The following STARD9 variants were observed in gnomAD, a reference collection of about 807,000 sequenced individuals.
STARD9 encodes StAR related lipid transfer domain containing 9.
In STARD9, 346 loss-of-function variants were observed where a neutral mutation model predicts 399.8. The ratio of observed to expected loss-of-function variants is 0.87; its 90% CI spans 0.79 to 0.95. The LOEUF is 0.95. Among genes scored for constraint, STARD9 ranks in the 40% least tolerant of loss-of-function variants. The pLI is 0.00. For missense variants in STARD9, 5,832 were observed against 5,667.5 expected (o/e 1.03, Z -0.93); for synonymous variants, 2,203 against 2,143.5 (o/e 1.03, Z -0.77).
chr15:42,672,511 T>C (rs1040280985), intron 16 of STARD9: 1 of 152,278 alleles, frequency 6.6e-6, no homozygotes, highest in African/African-American at 2.4e-5. Context: ...TGAACGCACA[T>C]GAAAAGTTTC....
rs968708719 is a variant in STARD9, at chr15:42,691,832, C to A, written c.10254C>A (p.Thr3418=). 22 of 1,537,172 alleles carry A rather than the reference C, an allele frequency of 1.4e-5. No homozygotes were observed. Among genetic ancestry groups the A allele is most frequent in the Non-Finnish European group, 1.9e-5 (22 of 1,146,926 alleles). ...CTTCCACTCTCTCACACATGCCAAC[C>A]CCTGATTTCACGACCAGCTGGATGT... is the stretch of plus-strand genomic sequence containing the variant. ...PMPSTLSHMP[T]PDFTTSWMSG... is the part of the protein sequence containing the mutation. Residue 3418 remains threonine (T), a synonymous_variant, in exon 23 of 33, where the codon ACC becomes ACA. Transcript: ENST00000290607.
At chr15:42,583,038 T>C (rs2058205974) in intron 1 of STARD9, among the ~76,000 whole-genome samples, 1 of 152,194 alleles carries the variant, frequency 6.6e-6, no homozygotes, top group African/African-American at 2.4e-5. Flanking sequence ...TAGCAAGCTA[T>C]GTCAGGAGGA....
intron 26 of STARD9, among the ~76,000 whole-genome samples, chr15:42,712,090 T>TAAAATATAAA (rs1322176052): frequency 0.029 from 178 of 6,142 alleles, 23 homozygotes; most frequent in South Asian, 0.13. Context: ...ATTATATATA[T>TAAAATATAAA]ATATATAATA....
In STARD9 at chr15:42,669,313, A is replaced by G; in HGVS notation, c.1473A>G (p.Thr491=). 1 of 1,530,342 alleles carries G rather than the reference A, an allele frequency of 6.5e-7. No individual in the cohort carries two copies. Among genetic ancestry groups the G allele is most frequent in the South Asian group, 1.2e-5 (1 of 83,694 alleles). 94.8% of individuals were successfully genotyped at this position (1,530,342 alleles called of 1,614,324 possible). The change falls in exon 16 of 33, where the codon ACA becomes ACG. Residue 491 remains threonine (T), a synonymous_variant. Coordinates refer to ENST00000290607, the MANE Select transcript of STARD9 (RefSeq NM_020759.3). ...CCTTGGAGGATGATGTGCTCAGCAC[A>G]GGTGTTGTGCTCTATCATCTCAAGG... ...LMALEDDVLS[T]GVVLYHLKEG...
intron 7 of STARD9, among the ~76,000 whole-genome samples, chr15:42,644,036 G>C (rs2059597291): frequency 6.6e-6 from 1 of 152,128 alleles, no homozygotes; most frequent in African/African-American, 2.4e-5. Flanking sequence ...CATGTATACA[G>C]ACATGCTTTG....
Position 42,634,905 on chromosome 15 carries a change from A to C in STARD9, c.284A>C (p.Tyr95Ser). The change falls in exon 4 of 33, where the codon TAT (tyrosine) becomes TCT (serine). Residue 95 changes from tyrosine to serine, a missense_variant. Physicochemically the swap from Tyr to Ser is moderately radical, Grantham distance 144. Coordinates refer to ENST00000290607, the MANE Select transcript of STARD9 (RefSeq NM_020759.3). ...GTACTGTCTGGAGTTGCCAAAGGCTATAACATATGCCTTTTTGCTTATGGA... is the reference window on the plus strand; with the variant it reads ...GTACTGTCTGGAGTTGCCAAAGGCTCTAACATATGCCTTTTTGCTTATGGA... ...MEVLSGVAKG[Y>S]NICLFAYGQT... 6.5e-7 allele frequency: 1 copy of C among 1,537,056 alleles called. No individual in the cohort carries two copies. The highest frequency in any genetic ancestry group is 8.7e-7 in the Non-Finnish European group (1 of 1,146,752).
chr15:42,676,056 T>TGGGGTG, intron 20 of STARD9, 81 bp downstream of exon 20: 1 of 134,680 alleles, frequency 7.4e-6, no homozygotes, highest in Non-Finnish European at 1.5e-5. Context: ...AGGGTGGGGG[T>TGGGGTG]GGGGGGTGAT....
chr15:42,647,546 C>G (rs953374510), intron 7 of STARD9, among the ~76,000 whole-genome samples: 1 of 152,120 alleles, frequency 6.6e-6, no homozygotes, highest in Non-Finnish European at 1.5e-5. Context: ...CAGGCATTAA[C>G]GAAACTAGCT....
intron 26 of STARD9, among the ~76,000 whole-genome samples, chr15:42,715,411 G>A (rs1738298100): frequency 6.6e-6 from 1 of 152,144 alleles, no homozygotes; most frequent in Non-Finnish European, 1.5e-5. Context: ...CGGGCACAGG[G>A]GCTCACGCCT....
rs1353712316 is a variant in STARD9, at chr15:42,685,817, C to T, written c.4239C>T (p.His1413=). The change falls in exon 23 of 33, where the codon CAC becomes CAT. Residue 1413 remains histidine (H), a synonymous_variant. Transcript: ENST00000290607. ...TELLCSARDE[H]TASAADTSRL... is the part of the protein sequence containing the mutation. ...TCCTCTGCAGTGCAAGAGATGAGCACACAGCCTCTGCTGCTGATACGTCTA... is the reference window on the plus strand; with the variant it reads ...TCCTCTGCAGTGCAAGAGATGAGCATACAGCCTCTGCTGCTGATACGTCTA... 2 of 1,537,092 alleles carry T rather than the reference C, an allele frequency of 1.3e-6. No homozygotes were observed. Among genetic ancestry groups the T allele is most frequent in the Non-Finnish European group, 1.7e-6 (2 of 1,146,954 alleles).
At chr15:42,588,414 C>T (rs983430918) in intron 3 of STARD9, among the ~76,000 whole-genome samples, 1 of 152,092 alleles carries the variant, frequency 6.6e-6, no homozygotes, top group African/African-American at 2.4e-5. Flanking sequence ...CAAATGAGAT[C>T]CAGACAGGAA....
At chr15:42,625,187 C>T (rs533925866) in intron 3 of STARD9, among the ~76,000 whole-genome samples, 7 of 151,988 alleles carry the variant, frequency 4.6e-5, no homozygotes, top group Non-Finnish European at 5.9e-5. Context: ...CCACCACACC[C>T]GGCTAATTTT....
intron 3 of STARD9, among the ~76,000 whole-genome samples, chr15:42,598,170 T>A (rs2058553777): frequency 6.6e-6 from 1 of 151,964 alleles, no homozygotes; most frequent in Non-Finnish European, 1.5e-5. Context: ...TAGCTGGGAC[T>A]ACAGGCGCCT....
Position 42,682,402 on chromosome 15 carries a change from G to T in STARD9, c.2364G>T (p.Leu788=). The T allele has an allele frequency of 6.5e-7, 1 of 1,537,256 alleles. No homozygotes were observed. Among genetic ancestry groups the T allele is most frequent in the South Asian group, 1.2e-5 (1 of 84,064 alleles). Residue 788 remains leucine (L), a synonymous_variant, in exon 22 of 33, where the codon CTG becomes CTT. Transcript: ENST00000290607. ...GGCTGCTGGAGGCCCAGAAGAGACT[G>T]GAGAAGCTCACGACATTGTGCTGGC... ...KQRLLEAQKR[L]EKLTTLCWLQ... is the part of the protein sequence containing the mutation.
At chr15:42,715,240 T>C (rs1386596177) in intron 26 of STARD9, among the ~76,000 whole-genome samples, 3 of 152,166 alleles carry the variant, frequency 2.0e-5, no homozygotes, top group African/African-American at 4.8e-5. Context: ...CCGTGGACCT[T>C]GGTGACTGCT....
chr15:42,639,965 C>G (rs2059501279), intron 7 of STARD9, among the ~76,000 whole-genome samples: 1 of 152,100 alleles, frequency 6.6e-6, no homozygotes. Context: ...TTCTGTCACC[C>G]AAGCTGGAAT....
At chr15:42,712,530 A>T (rs969416126) in intron 26 of STARD9, among the ~76,000 whole-genome samples, 1 of 152,112 alleles carries the variant, frequency 6.6e-6, no homozygotes, top group Non-Finnish European at 1.5e-5. Context: ...ATTCTTTTCC[A>T]TATGGATATC....
chr15:42,673,105 A>AC, intron 16 of STARD9: 1 of 151,242 alleles, frequency 6.6e-6, no homozygotes, highest in East Asian at 2.0e-4. Flanking sequence ...CTCAAAAAAA[A>AC]AAAAAAAAAT....
chr15:42,644,640 T>C (rs992695793), intron 7 of STARD9, among the ~76,000 whole-genome samples: 2 of 152,160 alleles, frequency 1.3e-5, no homozygotes, highest in African/African-American at 4.8e-5. Flanking sequence ...ATCAGGATAG[T>C]GATTGCTGAA....
Sources: gnomAD v4.1 joint callset for allele counts (sites outside exome capture counted in the v4.1 genomes callset) on GRCh38, gnomAD v4.1.1 for gene constraint, MANE v1.5 for transcripts, NCBI Gene and HGNC (gene_info 2026-07-23, HGNC 2026-07-21) for gene names.